XPO5: variants seen among roughly 807,000 people sequenced by gnomAD.
The protein encoded by XPO5 is exportin-5.
A neutral mutation model predicts 160.6 loss-of-function variants in XPO5; 46 were observed. That is an observed-to-expected ratio of 0.29 (90% CI 0.23 to 0.37). XPO5 has a LOEUF of 0.37. Among genes scored for constraint, XPO5 ranks in the 10% least tolerant of loss-of-function variants. The pLI, the probability that XPO5 is intolerant of heterozygous loss-of-function variation, is 1.00. For synonymous variants in XPO5, 537 were observed against 519.3 expected (o/e 1.03, Z -0.46); for missense variants, 1,090 against 1,463.9 (o/e 0.74, Z 4.17).
At chr6:43,566,621 T>C (rs899217836) in intron 7 of XPO5, 3 of 422,360 alleles carry the variant, frequency 7.1e-6, no homozygotes, top group African/African-American at 4.1e-5. Context: ...AGAGCCTGGC[T>C]AACATGGCAA....
At chr6:43,566,396 A>T (rs746533937) in intron 7 of XPO5, among the ~76,000 whole-genome samples, 3 of 152,064 alleles carry the variant, frequency 2.0e-5, no homozygotes, top group African/African-American at 4.8e-5. Context: ...TCCATCTCAA[A>T]AAATAAATAA....
intron 13 of XPO5, among the ~76,000 whole-genome samples, chr6:43,554,622 C>G (rs1483125097): frequency 6.6e-6 from 1 of 151,986 alleles, no homozygotes; most frequent in Non-Finnish European, 1.5e-5. Flanking sequence ...CAGGGTTTTG[C>G]CATGTTGGCC....
At chr6:43,562,127 T>C (rs1762449863) in intron 9 of XPO5, 120 bp downstream of exon 9, 2 of 662,270 alleles carry the variant, frequency 3.0e-6, no homozygotes, top group South Asian at 2.0e-5. Context: ...CAATAACTTG[T>C]ATGGCACTGC....
intron 2 of XPO5, among the ~76,000 whole-genome samples, chr6:43,573,222 G>A (rs1009832439): frequency 6.6e-6 from 1 of 152,230 alleles, no homozygotes; most frequent in African/African-American, 2.4e-5. Context: ...AGCTCAGTAA[G>A]TATTGGCTAA....
At position 43,522,637 on chromosome 6, in the gene XPO5, CTCAA is replaced by C; in HGVS notation, c.*1227_*1230del. 2.4e-6 allele frequency: 1 copy of C among 420,496 alleles called. No individual in the cohort carries two copies. 26.0% of individuals were successfully genotyped at this position (420,496 alleles called of 1,614,324 possible). On this transcript the variant is annotated 3_prime_UTR_variant, in exon 32 of 32. Transcript: ENST00000265351. The stretch of plus-strand genomic sequence containing the variant: ...TTCTGCTTCCCCAGCTTTGCTTCTT[CTCAA>C]TCTGACCCTGCCTGTGGCCCGCACC...
chr6:43,561,788 T>G (rs1010941383), intron 9 of XPO5: 2 of 154,664 alleles, frequency 1.3e-5, no homozygotes, highest in African/African-American at 2.4e-5. Flanking sequence ...TCTTCCAACT[T>G]ATAAGACTGA....
In XPO5 at chr6:43,522,598, AC is replaced by A. The variant is rs1793259137; in HGVS notation, c.*1269del. On this transcript the variant is annotated 3_prime_UTR_variant, in exon 32 of 32. Transcript: ENST00000265351. ...GCACCACACAGGAAGAGGGAGCAAC[AC>A]AAGACTCCCAACTTCTGCTTCCCCA... 5.4e-6 allele frequency: 2 copies of A among 369,610 alleles called. No individual in the cohort carries two copies. Among genetic ancestry groups the A allele is most frequent in the African/African-American group, 4.2e-5 (2 of 47,726 alleles). 22.9% of individuals were successfully genotyped at this position (369,610 alleles called of 1,614,324 possible). A position where few individuals can be genotyped will look rare whatever the true frequency, so the allele number is the denominator to read the frequency against.
rs1489814386 is a variant in XPO5 at position 43,551,279 on chromosome 6, AAGG to A, written c.1728+16_1728+18del. 6.5e-7 allele frequency: 1 copy of A among 1,545,926 alleles called. No homozygotes were observed. Among genetic ancestry groups the A allele is most frequent in the African/African-American group, 1.4e-5 (1 of 71,756 alleles). ...TAGAAATGTCAAAATAAAATTTACA[AAGG>A]AGATGGGCTTTATACCTTAGAGAAG... is the stretch of plus-strand genomic sequence containing the variant. On this transcript the variant is annotated intron_variant, in intron 15 of 31. Coordinates refer to ENST00000265351, the MANE Select transcript of XPO5 (RefSeq NM_020750.3).
chr6:43,553,246 G>C (rs1015201177), intron 14 of XPO5, 127 bp downstream of exon 14: 1 of 1,225,578 alleles, frequency 8.2e-7, no homozygotes, highest in Non-Finnish European at 1.1e-6. Flanking sequence ...AGGTTACAGA[G>C]AGCTATGATT....
chr6:43,523,682 G>T lies in XPO5; in HGVS notation c.*186C>A. On this transcript the variant is annotated 3_prime_UTR_variant, in exon 32 of 32. Coordinates refer to ENST00000265351, the MANE Select transcript of XPO5 (RefSeq NM_020750.3). ...AGTTTAAGCCCTAACTCCCTTTCTT[G>T]ATACTTTAGTATAATTACTTCTGGT... is the stretch of plus-strand genomic sequence containing the variant. 1.1e-6 allele frequency: 1 copy of T among 922,940 alleles called. No individual in the cohort carries two copies. The highest frequency in any genetic ancestry group is 1.8e-6 in the Non-Finnish European group (1 of 551,362). The allele number at this position is 922,940 out of a possible 1,614,324, so 57.2% of individuals were successfully genotyped here.
intron 13 of XPO5, 176 bp from the exon 14 acceptor site, chr6:43,553,679 G>A: frequency 1.5e-6 from 2 of 1,349,066 alleles, no homozygotes; most frequent in Middle Eastern, 2.8e-4. Context: ...AAGATGATGT[G>A]TGCTGAAAGC....
intron 3 of XPO5, 33 bp from the exon 4 acceptor site, chr6:43,571,027 C>G (rs771312409): frequency 1.5e-4 from 246 of 1,589,390 alleles, no homozygotes; most frequent in Non-Finnish European, 1.9e-4. Context: ...AAGAGATATG[C>G]AAGACTGGAT....
rs895990313 is a variant in XPO5, at chr6:43,548,307, G to A, written c.2014C>T (p.Leu672=). The stretch of plus-strand genomic sequence containing the variant: ...CAGATGCTGGCCACTGGTGCCATCA[G>A]CTCCTCTAGGAACACCTTCTGACGC... ...YERQKVFLEE[L]MAPVASIWLS... Residue 672 remains leucine, a synonymous_variant, in exon 18 of 32, where the codon CTG becomes TTG. Transcript: ENST00000265351. 1 of 1,612,980 alleles carries A rather than the reference G, an allele frequency of 6.2e-7. No individual in the cohort carries two copies. The highest frequency in any genetic ancestry group is 8.5e-7 in the Non-Finnish European group (1 of 1,179,300).
chr6:43,541,573 G>C (rs1255921407), intron 20 of XPO5, among the ~76,000 whole-genome samples: 1 of 146,214 alleles, frequency 6.8e-6, no homozygotes, highest in African/African-American at 2.5e-5. Flanking sequence ...TTAAGCAGTA[G>C]CAGTTGATCT....
Position 43,546,577 on chromosome 6 carries a change from A to G in XPO5, c.2336T>C (p.Leu779Pro). 1 of 1,607,342 alleles carries G rather than the reference A, an allele frequency of 6.2e-7. No homozygotes were observed. The highest frequency in any genetic ancestry group is 8.5e-7 in the Non-Finnish European group (1 of 1,178,124). ...AGCCATTATTCTGACTCACCTTATA[A>G]GCGCAAGCAAATTGTCAAGAAGTTT... ...ILKLLDNLLA[L>P]IRTHNTLYAP... is the part of the protein sequence containing the mutation. Residue 779 changes from leucine (L) to proline (P), a missense_variant, in exon 20 of 32, where the codon CTT becomes CCT. Leu to Pro is a moderately conservative substitution (Grantham distance 98). This residue lies in a region of XPO5 where 810 missense variants were observed against 1,139.0 expected (regional missense o/e 0.71). Transcript: ENST00000265351.
chr6:43,550,243 G>A (rs1246380619), intron 15 of XPO5, among the ~76,000 whole-genome samples: 2 of 152,090 alleles, frequency 1.3e-5, no homozygotes, highest in East Asian at 3.8e-4. Context: ...AAAGTTGTAT[G>A]GTCTATCCCT....
In XPO5 at chr6:43,576,009, T is replaced by G. The variant is rs568233526; in HGVS notation, c.-145A>C. On this transcript the variant is annotated 5_prime_UTR_variant, in exon 1 of 32. Coordinates refer to ENST00000265351, the MANE Select transcript of XPO5 (RefSeq NM_020750.3). ...CTGGAGGAGGAGCGTTAGCAGCAAC[T>G]CGCGCTGGGAAGAAGCCGGCGCTGC... The G allele has an allele frequency of 2.9e-6, 2 of 685,644 alleles. No individual in the cohort carries two copies. The highest frequency in any genetic ancestry group is 4.7e-6 in the Non-Finnish European group (2 of 422,202). 42.5% of individuals were successfully genotyped at this position (685,644 alleles called of 1,614,324 possible).
chr6:43,555,942 C>G lies in XPO5; in HGVS notation c.1335G>C (p.Glu445Asp). The G allele has an allele frequency of 6.2e-7, 1 of 1,613,974 alleles. No individual in the cohort carries two copies. The highest frequency in any genetic ancestry group is 8.5e-7 in the Non-Finnish European group (1 of 1,179,870). ...FFNSSRAQQG[E>D]VMRLACRLDP... ...CCAAACGACATGCCAACCTCATCACCTCTCCTTGTTGTGCTCGGGAGGCTG... is the reference window on the plus strand; with the variant it reads ...CCAAACGACATGCCAACCTCATCACGTCTCCTTGTTGTGCTCGGGAGGCTG... The change falls in exon 13 of 32, where the codon GAG (glutamate) becomes GAC (aspartate). Residue 445 changes from glutamate to aspartate, a missense_variant. Coordinates refer to ENST00000265351, the MANE Select transcript of XPO5 (RefSeq NM_020750.3).
intron 23 of XPO5, 114 bp downstream of exon 23, chr6:43,530,573 TA>T: frequency 7.9e-7 from 1 of 1,267,208 alleles, no homozygotes; most frequent in Non-Finnish European, 1.1e-6. Flanking sequence ...CTTAGATACA[TA>T]ATCTCATCTC....
Sources: gnomAD v4.1 joint callset for allele counts (sites outside exome capture counted in the v4.1 genomes callset) on GRCh38, gnomAD v4.1.1 for gene constraint, gnomAD v4.1.1 regional missense constraint, MANE v1.5 for transcripts, NCBI Gene and HGNC (gene_info 2026-07-23, HGNC 2026-07-21) for gene names.